AARS1: variants seen among roughly 807,000 people sequenced by gnomAD.
AARS1 encodes the protein alanine--tRNA ligase, cytoplasmic.
In AARS1, 72 loss-of-function variants were observed where a neutral mutation model predicts 108.9. The observed-to-expected ratio is 0.66, with a 90% CI of 0.55 to 0.80. The LOEUF (loss-of-function observed/expected upper bound fraction) is 0.80, where lower values mean the gene tolerates loss of function less well. AARS1 is among the 30% of genes least tolerant of loss of function. The pLI is 0.00. For missense variants in AARS1, 1,193 were observed against 1,233.2 expected (o/e 0.97, Z 0.49); for synonymous variants, 489 against 465.7 (o/e 1.05, Z -0.64).
intron 1 of AARS1, among the ~76,000 whole-genome samples, chr16:70,287,541 C>G (rs1960880270): frequency 6.6e-6 from 1 of 151,472 alleles, no homozygotes; most frequent in African/African-American, 2.4e-5. Flanking sequence ...AATTCAAGAC[C>G]AGCCTGGGCA....
At chr16:70,273,747 C>A (rs1321708162) in intron 4 of AARS1, among the ~76,000 whole-genome samples, 4 of 150,922 alleles carry the variant, frequency 2.7e-5, no homozygotes, top group African/African-American at 9.7e-5. Context: ...CCTGTAGTCC[C>A]AGCTACTCAG....
chr16:70,274,972 A>ATGAT (rs1960501970), intron 4 of AARS1, among the ~76,000 whole-genome samples: 2 of 152,070 alleles, frequency 1.3e-5, no homozygotes, highest in Admixed American at 1.3e-4. Flanking sequence ...CAACAACAGA[A>ATGAT]TGATTGGCTG....
At chr16:70,256,548 C>T (rs969574160) in intron 15 of AARS1, among the ~76,000 whole-genome samples, 1 of 152,194 alleles carries the variant, frequency 6.6e-6, no homozygotes, top group African/African-American at 2.4e-5. Flanking sequence ...GATCTGCCTG[C>T]CTCAGCCTCC....
At chr16:70,288,098 C>CCT (rs1960903307) in intron 1 of AARS1, among the ~76,000 whole-genome samples, 6 of 83,888 alleles carry the variant, frequency 7.2e-5, no homozygotes, top group African/African-American at 2.6e-4. Context: ...TCCCCTTCTT[C>CCT]TTTTTTTTTT....
Position 70,253,771 on chromosome 16 carries a change from G to A in AARS1, c.2550C>T (p.Asp850=), listed in dbSNP as rs575239120. ...TGACAAGAGGCTGGTTGGGGTTGCT[G>A]TCGATGAACTGCTTCGTCTTCTCTA... ...RVLEKTKQFI[D]SNPNQPLVIL... is the part of the protein sequence containing the mutation. The change falls in exon 19 of 21, where the codon GAC becomes GAT. Residue 850 remains aspartate (D), a synonymous_variant. Transcript: ENST00000261772. 2 of 1,614,172 alleles carry A rather than the reference G, an allele frequency of 1.2e-6. No homozygotes were observed. The highest frequency in any genetic ancestry group is 2.2e-5 in the East Asian group (1 of 44,886).
At chr16:70,286,806 A>G (rs1960855416) in intron 1 of AARS1, among the ~76,000 whole-genome samples, 1 of 144,526 alleles carries the variant, frequency 6.9e-6, no homozygotes. Context: ...GATCAACTGC[A>G]CTCCAGCCTG....
At chr16:70,287,008 T>C (rs1362566869) in intron 1 of AARS1, among the ~76,000 whole-genome samples, 1 of 150,520 alleles carries the variant, frequency 6.6e-6, no homozygotes, top group Non-Finnish European at 1.5e-5. Context: ...TCCCAGCACT[T>C]TGGGAGGCCG....
chr16:70,285,228 A>T (rs975002464), intron 1 of AARS1, among the ~76,000 whole-genome samples: 6 of 122,032 alleles, frequency 4.9e-5, no homozygotes, highest in Admixed American at 3.0e-4. Context: ...GACTCCGTCT[A>T]AAAAAAAAAA....
chr16:70,285,455 T>C (rs1045032518), intron 1 of AARS1, among the ~76,000 whole-genome samples: 22 of 152,110 alleles, frequency 1.4e-4, no homozygotes, highest in South Asian at 6.2e-4. Context: ...AATTTCTTTT[T>C]TTTTCTTTTT....
At chr16:70,254,454 G>A (rs1959927831) in intron 17 of AARS1, 167 bp downstream of exon 17, 4 of 664,140 alleles carry the variant, frequency 6.0e-6, no homozygotes, top group South Asian at 4.9e-5. Flanking sequence ...AGGGTCCAAG[G>A]ACAGGATCCA....
Position 70,258,023 on chromosome 16 carries a change from C to T in AARS1, c.2177+10G>A, listed in dbSNP as rs1960032270. On this transcript the variant is annotated intron_variant, in intron 15 of 20. Coordinates refer to ENST00000261772, the MANE Select transcript of AARS1 (RefSeq NM_001605.3). Reference sequence around the variant, plus strand: ...ATGACCTGTCTACTCTGCCCCTCTGCAGTACTCACGTTCCCCCACAGAACT... The same window carrying T: ...ATGACCTGTCTACTCTGCCCCTCTGTAGTACTCACGTTCCCCCACAGAACT... 3 of 1,614,102 alleles carry T rather than the reference C, an allele frequency of 1.9e-6. No homozygotes were observed. The East Asian group carries it at 6.7e-5, about 36-fold the overall frequency.
Position 70,258,030 on chromosome 16 carries a change from C to CA in AARS1, c.2177+2dup. 6.2e-7 allele frequency: 1 copy of CA among 1,614,122 alleles called. No homozygotes were observed. Among genetic ancestry groups the CA allele is most frequent in the Non-Finnish European group, 8.5e-7 (1 of 1,180,026 alleles). ...GTCTACTCTGCCCCTCTGCAGTACT[C>CA]ACGTTCCCCCACAGAACTCAACAGA... On this transcript the variant is annotated splice_region_variant and intron_variant, in intron 15 of 20. Transcript: ENST00000261772.
rs749268379 is a variant in AARS1, at chr16:70,252,919, A to G, written c.2722-13T>C. 2.5e-6 allele frequency: 4 copies of G among 1,613,936 alleles called. No homozygotes were observed. Among genetic ancestry groups the G allele is most frequent in the South Asian group, 1.1e-5 (1 of 91,072 alleles). The stretch of plus-strand genomic sequence containing the variant: ...GATTGGCTGCATTCTAGAAGACAGG[A>G]AGGGAAGGGGGAGTCAGCACAGAAG... On this transcript the variant is annotated splice_polypyrimidine_tract_variant and intron_variant, in intron 20 of 20. Transcript: ENST00000261772.
At position 70,252,508 on chromosome 16, in the gene AARS1, GGGGTT is replaced by G; in HGVS notation, c.*208_*212del. On this transcript the variant is annotated 3_prime_UTR_variant, in exon 21 of 21. Transcript: ENST00000261772. ...CGAGCGTGACGATCAACAGCAATGCGGGGTTAGTGGTTCTAGACCGATGGCACTGA... is the reference window on the plus strand; with the variant it reads ...CGAGCGTGACGATCAACAGCAATGCGAGTGGTTCTAGACCGATGGCACTGA... 1.7e-6 allele frequency: 1 copy of G among 597,864 alleles called. No individual in the cohort carries two copies. The highest frequency in any genetic ancestry group is 3.0e-6 in the Non-Finnish European group (1 of 335,736). 37.0% of individuals were successfully genotyped at this position (597,864 alleles called of 1,614,324 possible).
At chr16:70,265,760 G>C in intron 9 of AARS1, 98 bp from the exon 10 acceptor site, 2 of 1,499,316 alleles carry the variant, frequency 1.3e-6, no homozygotes, top group Admixed American at 1.8e-5. Context: ...AGGAATTAAA[G>C]ACACAAGGCT....
At chr16:70,264,901 A>C (rs1378306039) in intron 11 of AARS1, 57 bp downstream of exon 11, 15 of 1,609,214 alleles carry the variant, frequency 9.3e-6, no homozygotes, top group African/African-American at 1.3e-5. Flanking sequence ...CAATCTTTCA[A>C]ATACCCCCCA....
At chr16:70,279,452 G>C (rs570926580) in intron 2 of AARS1, among the ~76,000 whole-genome samples, 1 of 151,302 alleles carries the variant, frequency 6.6e-6, no homozygotes, top group African/African-American at 2.4e-5. Flanking sequence ...CTGAGGCCAG[G>C]AGTTCCAGAC....
Position 70,289,475 on chromosome 16 carries a change from C to T in AARS1, c.-76G>A. 1 of 434,894 alleles carries T rather than the reference C, an allele frequency of 2.3e-6. No individual in the cohort carries two copies. The highest frequency in any genetic ancestry group is 1.6e-5 in the South Asian group (1 of 61,096). 26.9% of individuals were successfully genotyped at this position (434,894 alleles called of 1,614,324 possible). A position where few individuals can be genotyped will look rare whatever the true frequency, so the allele number is the denominator to read the frequency against. On this transcript the variant is annotated 5_prime_UTR_variant, in exon 1 of 21. Coordinates refer to ENST00000261772, the MANE Select transcript of AARS1 (RefSeq NM_001605.3). ...CCCTCAGAGTCCCCCGCCAAGGGCC[C>T]GCTGCACCTATTCCCGCAGACGCGC...
intron 11 of AARS1, among the ~76,000 whole-genome samples, 163 bp from the exon 12 acceptor site, chr16:70,262,687 C>T (rs1217443632): frequency 5.3e-5 from 8 of 151,996 alleles, no homozygotes; most frequent in South Asian, 4.1e-4. Context: ...AAGGGCTTCG[C>T]GGCCGGGCGC....
Sources: allele counts gnomAD v4.1 joint callset (sites outside exome capture counted in the v4.1 genomes callset), GRCh38; gene constraint gnomAD v4.1.1; transcripts MANE v1.5; gene names NCBI Gene and HGNC (gene_info 2026-07-23, HGNC 2026-07-21).